Variants in PPP1R2 observed in about 807,000 individuals in gnomAD.
The protein encoded by PPP1R2 is protein phosphatase inhibitor 2.
PPP1R2 carries 16 observed loss-of-function variants against 29.9 expected under a neutral mutation model. The observed-to-expected ratio is 0.53, with a 90% CI of 0.36 to 0.81. The LOEUF is 0.81. PPP1R2 is among the 30% of genes least tolerant of loss of function. The probability of loss-of-function intolerance (pLI) is 0.00; values close to 1 mark genes in which losing one functional copy is unlikely to be tolerated. For synonymous variants in PPP1R2, 76 were observed against 91.5 expected (o/e 0.83, Z 0.96); for missense variants, 197 against 252.7 (o/e 0.78, Z 1.49).
In PPP1R2 at chr3:195,524,847, C is replaced by A; in HGVS notation, c.280G>T (p.Ala94Ser). The change falls in exon 3 of 6, where the codon GCC (alanine) becomes TCC (serine). Residue 94 changes from alanine to serine, a missense_variant. Physicochemically the swap from Ala to Ser is moderately conservative, Grantham distance 99. Transcript: ENST00000618156. Reference protein sequence around the residue: ...DACSDTEATEAMAPDILARKL... With the variant: ...DACSDTEATESMAPDILARKL... Reference sequence around the variant, plus strand: ...CTGGCTAAGATGTCTGGCGCCATGGCTTCAGTGGCCTCGGTGTCACTACAG... The same window carrying A: ...CTGGCTAAGATGTCTGGCGCCATGGATTCAGTGGCCTCGGTGTCACTACAG... The A allele has an allele frequency of 6.2e-7, 1 of 1,614,172 alleles. No individual in the cohort carries two copies. The highest frequency in any genetic ancestry group is 8.5e-7 in the Non-Finnish European group (1 of 1,180,028).
intron 4 of PPP1R2, among the ~76,000 whole-genome samples, chr3:195,520,456 CA>C (rs1406009943): frequency 1.3e-5 from 2 of 151,886 alleles, no homozygotes; most frequent in African/African-American, 2.4e-5. Flanking sequence ...AAAAAAATTA[CA>C]AAAAATTAGC....
At chr3:195,530,548 C>T (rs888164187) in intron 1 of PPP1R2, among the ~76,000 whole-genome samples, 5 of 152,206 alleles carry the variant, frequency 3.3e-5, no homozygotes, top group Non-Finnish European at 5.9e-5. Context: ...TGTTTTGAGA[C>T]GGAGTCTCAC....
chr3:195,524,020 T>A (rs1223309683), intron 3 of PPP1R2, among the ~76,000 whole-genome samples: 1 of 151,506 alleles, frequency 6.6e-6, no homozygotes, highest in East Asian at 1.9e-4. Context: ...CCCAGGAGTT[T>A]GAGGTTGCAA....
intron 5 of PPP1R2, among the ~76,000 whole-genome samples, chr3:195,518,796 C>A (rs1196684522): frequency 2.0e-5 from 3 of 151,698 alleles, no homozygotes; most frequent in African/African-American, 7.3e-5. Flanking sequence ...ATAAGAAAGC[C>A]ATATAATAAA....
chr3:195,529,842 TTGTC>T lies in PPP1R2; in HGVS notation c.178_181del (p.Asp60LysfsTer5). ...ATCTATTTTCATTAAACCATAGTCT[TTGTC>T]TGCTGGATGATACGTCGCCAAGATG... On this transcript the variant is annotated frameshift_variant, in exon 2 of 6. Transcript: ENST00000618156. LOFTEE classifies it high-confidence loss of function. 6.2e-7 allele frequency: 1 copy of T among 1,611,650 alleles called. No homozygotes were observed. Among genetic ancestry groups the T allele is most frequent in the Non-Finnish European group, 8.5e-7 (1 of 1,179,636 alleles).
rs1219802700 is a variant in PPP1R2 at position 195,519,048 on chromosome 3, C to G, written c.541G>C (p.Glu181Gln). The part of the protein sequence containing the change: ...DEEMLETADG[E>Q]SMNTEESNQG... ...TTTGATTCTTCCGTATTCATGCTTT[C>G]TCCATCTGCAGTCTCTAACATTTCT... The change falls in exon 5 of 6, where the codon GAA (glutamate) becomes CAA (glutamine). Residue 181 changes from glutamate (E) to glutamine (Q), a missense_variant. By Grantham distance (29) the Glu-to-Gln change is conservative. Coordinates refer to ENST00000618156, the MANE Select transcript of PPP1R2 (RefSeq NM_006241.8). 1.9e-6 allele frequency: 3 copies of G among 1,603,248 alleles called. No individual in the cohort carries two copies. The South Asian group carries it at 3.3e-5, about 18-fold the overall frequency.
At chr3:195,536,170 T>C (rs1485376364) in intron 1 of PPP1R2, among the ~76,000 whole-genome samples, 13 of 152,182 alleles carry the variant, frequency 8.5e-5, no homozygotes, top group Admixed American at 7.8e-4. Context: ...TAGTTAAGTT[T>C]TGGGGGGCTG....
intron 1 of PPP1R2, among the ~76,000 whole-genome samples, chr3:195,541,736 T>C (rs1309582166): frequency 6.6e-6 from 1 of 152,036 alleles, no homozygotes; most frequent in African/African-American, 2.4e-5. Context: ...AGTTGGAAAA[T>C]TGTGTGTGAG....
At chr3:195,538,861 G>A (rs999099111) in intron 1 of PPP1R2, among the ~76,000 whole-genome samples, 1 of 152,024 alleles carries the variant, frequency 6.6e-6, no homozygotes, top group African/African-American at 2.4e-5. Flanking sequence ...TTAAACTAAG[G>A]CACAGATATA....
At chr3:195,518,413 AG>A (rs1348004419) in intron 5 of PPP1R2, among the ~76,000 whole-genome samples, 1 of 152,186 alleles carries the variant, frequency 6.6e-6, no homozygotes, top group Non-Finnish European at 1.5e-5. Flanking sequence ...GCACTTTGGG[AG>A]GCCGAGGCGG....
intron 2 of PPP1R2, 47 bp downstream of exon 2, chr3:195,529,747 C>T: frequency 7.4e-7 from 1 of 1,354,146 alleles, no homozygotes; most frequent in Non-Finnish European, 1.0e-6. Flanking sequence ...ATATGAAATG[C>T]AAAATGGAAG....
chr3:195,525,883 A>G (rs921527867), intron 2 of PPP1R2, among the ~76,000 whole-genome samples: 2 of 152,176 alleles, frequency 1.3e-5, no homozygotes, highest in Admixed American at 6.6e-5. Flanking sequence ...GGAAGTTGAA[A>G]TTGATCTATG....
intron 4 of PPP1R2, among the ~76,000 whole-genome samples, chr3:195,520,698 A>T (rs1718724298): frequency 6.6e-6 from 1 of 152,084 alleles, no homozygotes; most frequent in Non-Finnish European, 1.5e-5. Context: ...TTAAATTTTA[A>T]TTTTTAGAGA....
chr3:195,542,964 G>A lies in PPP1R2; in HGVS notation c.62C>T (p.Thr21Met), dbSNP rs771672225. The change falls in exon 1 of 6, where the codon ACG (threonine) becomes ATG (methionine). Residue 21 changes from threonine to methionine, a missense_variant. By Grantham distance (81) the Thr-to-Met change is moderately conservative. Coordinates refer to ENST00000618156, the MANE Select transcript of PPP1R2 (RefSeq NM_006241.8). Reference protein sequence around the residue: ...IKGILKNKTSTTSSMVASAEQ... With the variant: ...IKGILKNKTSMTSSMVASAEQ... Reference sequence around the variant, plus strand: ...GGCCGACGCCACCATAGAGGAAGTCGTAGAGGTCTTGTTCTTCAAGATCCC... The same window carrying A: ...GGCCGACGCCACCATAGAGGAAGTCATAGAGGTCTTGTTCTTCAAGATCCC... The A allele has an allele frequency of 1.9e-6, 3 of 1,603,194 alleles. No individual in the cohort carries two copies.
At chr3:195,518,328 C>T (rs957142048) in intron 5 of PPP1R2, among the ~76,000 whole-genome samples, 1 of 152,096 alleles carries the variant, frequency 6.6e-6, no homozygotes, top group Non-Finnish European at 1.5e-5. Flanking sequence ...TTGTATCTAA[C>T]GGGATGTAAA....
At chr3:195,530,066 TTAAG>T (rs1419869950) in intron 1 of PPP1R2, among the ~76,000 whole-genome samples, 165 bp from the exon 2 acceptor site, 6 of 152,198 alleles carry the variant, frequency 3.9e-5, no homozygotes, top group Non-Finnish European at 5.9e-5. Context: ...GTAAAAACCA[TTAAG>T]TAACTACAAT....
chr3:195,542,861 G>C, intron 1 of PPP1R2, 43 bp downstream of exon 1: 2 of 1,571,414 alleles, frequency 1.3e-6, no homozygotes, highest in Non-Finnish European at 1.7e-6. Flanking sequence ...TAACGGGCCC[G>C]GCGGGAAGGA....
chr3:195,518,796 CATATAAT>C (rs1448597539), intron 5 of PPP1R2, among the ~76,000 whole-genome samples: 17 of 151,814 alleles, frequency 1.1e-4, no homozygotes, highest in African/African-American at 3.6e-4. Context: ...ATAAGAAAGC[CATATAAT>C]AAAACATATG....
At position 195,522,796 on chromosome 3, in the gene PPP1R2, G is replaced by C. The variant is rs1577566944; in HGVS notation, c.403+896C>G. 1.3e-5 allele frequency among the ~76,000 whole-genome samples: 2 copies of C among 152,296 alleles called. 1 individual carries two copies. The highest frequency in any genetic ancestry group is 3.9e-4 in the East Asian group (2 of 5,188). On this transcript the variant is annotated intron_variant, in intron 4 of 5. Transcript: ENST00000618156. ...GATATCTTAGCAGCTACACGACAAA[G>C]ATCCTTCGTTCTAAAGTTTCTCAGC...
Sources: allele counts gnomAD v4.1 joint callset (sites outside exome capture counted in the v4.1 genomes callset), GRCh38; gene constraint gnomAD v4.1.1; transcripts MANE v1.5; gene names NCBI Gene and HGNC (gene_info 2026-07-23, HGNC 2026-07-21).